Variants in SLC8A1 observed in about 807,000 individuals in gnomAD.
The protein encoded by SLC8A1 is solute carrier family 8 member A1.
In SLC8A1, 18 loss-of-function variants were observed where a neutral mutation model predicts 68.3. The ratio of observed to expected loss-of-function variants is 0.26; its 90% CI spans 0.18 to 0.39. The LOEUF (loss-of-function observed/expected upper bound fraction) is 0.39, where lower values mean the gene tolerates loss of function less well. Ranked by LOEUF, SLC8A1 falls within the 10% of genes least tolerant of loss-of-function variation. The pLI, the probability that SLC8A1 is intolerant of heterozygous loss-of-function variation, is 1.00. For synonymous variants in SLC8A1, 475 were observed against 415.5 expected (o/e 1.14, Z -1.74); for missense variants, 985 against 1,156.7 (o/e 0.85, Z 2.15).
chr2:40,418,221 ATTTGT>A (rs910944444), intron 2 of SLC8A1, among the ~76,000 whole-genome samples: 2 of 152,058 alleles, frequency 1.3e-5, no homozygotes, highest in Admixed American at 6.6e-5. Context: ...ACATTATTTT[ATTTGT>A]TTTATGTTTA....
At chr2:40,161,664 G>A (rs750497747) in intron 5 of SLC8A1, among the ~76,000 whole-genome samples, 4 of 152,234 alleles carry the variant, frequency 2.6e-5, no homozygotes, top group South Asian at 2.1e-4. Context: ...AAACATTCAC[G>A]AGAAAACTAA....
chr2:40,354,469 G>A (rs1672076774), intron 2 of SLC8A1, among the ~76,000 whole-genome samples: 1 of 152,134 alleles, frequency 6.6e-6, no homozygotes, highest in African/African-American at 2.4e-5. Context: ...ACTAAATGGG[G>A]GTGGTTGTGG....
At chr2:40,445,672 T>C (rs1457328606) in intron 1 of SLC8A1, among the ~76,000 whole-genome samples, 2 of 152,084 alleles carry the variant, frequency 1.3e-5, no homozygotes, top group Non-Finnish European at 2.9e-5. Context: ...AAAGAGAAGC[T>C]CTTAAAAAGA....
intron 2 of SLC8A1, among the ~76,000 whole-genome samples, chr2:40,427,803 G>C (rs935604672): frequency 2.6e-5 from 4 of 152,148 alleles, no homozygotes; most frequent in African/African-American, 9.7e-5. Flanking sequence ...GTGGGGTACA[G>C]GGTTTGTTTA....
At chr2:40,455,885 T>A (rs2149888156), upstream of SLC8A1, among the ~76,000 whole-genome samples, 1 of 152,332 alleles carries the variant, frequency 6.6e-6, no homozygotes, top group South Asian at 2.1e-4. Context: ...GCAGCCTTCC[T>A]GGCAGACTCA....
chr2:40,294,514 AG>A (rs2069955997), intron 2 of SLC8A1, among the ~76,000 whole-genome samples: 1 of 152,126 alleles, frequency 6.6e-6, no homozygotes, highest in Non-Finnish European at 1.5e-5. Context: ...GCATATTTTT[AG>A]GTTGAATAAA....
At chr2:40,389,249 T>A (rs1002410407) in intron 2 of SLC8A1, among the ~76,000 whole-genome samples, 1 of 151,062 alleles carries the variant, frequency 6.6e-6, no homozygotes, top group South Asian at 2.1e-4. Flanking sequence ...TAGAAAGGAT[T>A]TTTTTTTTAC....
chr2:40,312,954 A>G (rs1559198233), intron 2 of SLC8A1, among the ~76,000 whole-genome samples: 1 of 152,122 alleles, frequency 6.6e-6, no homozygotes. Context: ...AAATACATAC[A>G]CACATATGTA....
intron 2 of SLC8A1, among the ~76,000 whole-genome samples, chr2:40,401,639 T>C (rs558668153): frequency 2.4e-5 from 2 of 82,786 alleles, no homozygotes; most frequent in Non-Finnish European, 4.8e-5. Context: ...TTTTGTCACA[T>C]TAAGTGAAAA....
At chr2:40,430,094 T>C in exon 2 of SLC8A1, 3 of 1,613,900 alleles carry the variant, frequency 1.9e-6, no homozygotes, top group Non-Finnish European at 2.5e-6. Flanking sequence ...GGTTCCCAAA[T>C]GGGCAAAATC....
At chr2:40,147,844 G>C (rs1187215596) in intron 6 of SLC8A1, among the ~76,000 whole-genome samples, 2 of 152,186 alleles carry the variant, frequency 1.3e-5, no homozygotes, top group African/African-American at 4.8e-5. Flanking sequence ...CACTTACTGA[G>C]TGTTACTTTT....
At position 40,152,203 on chromosome 2, in the gene SLC8A1, G is replaced by A. The variant is rs147848282; in HGVS notation, c.2161+8562C>T. On this transcript the variant is annotated intron_variant, in intron 6 of 7. Coordinates refer to ENST00000406785, the Ensembl canonical transcript of SLC8A1. ...ATTGGGGGCATGACATGCACAGAAA[G>A]TATGTATTTCTTGAAAGGTACTTGA... Among the ~76,000 whole-genome samples, 1,308 of 152,284 alleles carry A rather than the reference G, an allele frequency of 8.6e-3. 63 individuals are homozygous for A. The highest frequency in any genetic ancestry group is 0.075 in the Admixed American group (1,154 of 15,292).
intron 2 of SLC8A1, among the ~76,000 whole-genome samples, chr2:40,292,380 C>A (rs2069491863): frequency 6.6e-6 from 1 of 152,222 alleles, no homozygotes; most frequent in East Asian, 1.9e-4. Flanking sequence ...GACAATGAAA[C>A]TGCCAAACAA....
chr2:40,339,104 T>C lies in SLC8A1; in HGVS notation c.1808+89369A>G, dbSNP rs562837029. On this transcript the variant is annotated intron_variant, in intron 2 of 7. Coordinates refer to ENST00000406785, the Ensembl canonical transcript of SLC8A1. ...GTCTGATTTTCAAGAACCAAGATGA[T>C]TGATATTACTAAACAAATACCCACT... 2.6e-5 allele frequency among the ~76,000 whole-genome samples: 4 copies of C among 152,200 alleles called. No individual in the cohort carries two copies. The South Asian group carries it at 8.3e-4, about 32-fold the overall frequency.
chr2:40,239,051 G>C (rs1156648872), intron 2 of SLC8A1, among the ~76,000 whole-genome samples: 1 of 146,578 alleles, frequency 6.8e-6, no homozygotes, highest in African/African-American at 2.5e-5. Flanking sequence ...AATTGCAGCA[G>C]AAAAAAAAAA....
At chr2:40,191,830 C>T (rs1337466020) in intron 2 of SLC8A1, among the ~76,000 whole-genome samples, 1 of 152,134 alleles carries the variant, frequency 6.6e-6, no homozygotes, top group Non-Finnish European at 1.5e-5. Flanking sequence ...ATCTTCACCC[C>T]TATTTCAGCT....
At chr2:40,287,537 G>C (rs936001316) in intron 2 of SLC8A1, among the ~76,000 whole-genome samples, 26 of 149,380 alleles carry the variant, frequency 1.7e-4, no homozygotes, top group African/African-American at 5.7e-4. Context: ...CCCTGCAGAA[G>C]GCAATCCAAT....
intron 2 of SLC8A1, among the ~76,000 whole-genome samples, chr2:40,274,553 T>C (rs1279178444): frequency 6.6e-6 from 1 of 152,198 alleles, no homozygotes; most frequent in Non-Finnish European, 1.5e-5. Context: ...TTGCTCTAAA[T>C]GCTCATTAAC....
chr2:40,314,858 A>G (rs911955243), intron 2 of SLC8A1, among the ~76,000 whole-genome samples: 2 of 151,992 alleles, frequency 1.3e-5, no homozygotes, highest in Non-Finnish European at 2.9e-5. Flanking sequence ...TACCCTGCAA[A>G]CTTGTTAAAC....
Sources: gnomAD v4.1 joint callset for allele counts (sites outside exome capture counted in the v4.1 genomes callset) on GRCh38, gnomAD v4.1.1 for gene constraint, MANE v1.5 for transcripts, NCBI Gene and HGNC (gene_info 2026-07-23, HGNC 2026-07-21) for gene names.